PROS1: variants seen among roughly 807,000 people sequenced by gnomAD.
PROS1 encodes the protein protein S.
PROS1 carries 29 observed loss-of-function variants against 75.9 expected under a neutral mutation model. The ratio of observed to expected loss-of-function variants is 0.38; its 90% CI spans 0.28 to 0.52. The LOEUF is 0.52. PROS1 is among the 20% of genes least tolerant of loss of function. The probability of loss-of-function intolerance (pLI) is 0.83; values close to 1 mark genes in which losing one functional copy is unlikely to be tolerated. For missense variants in PROS1, 680 were observed against 810.3 expected (o/e 0.84, Z 1.95); for synonymous variants, 245 against 280.6 (o/e 0.87, Z 1.27).
intron 8 of PROS1, among the ~76,000 whole-genome samples, chr3:93,898,138 A>G (rs1708530740): frequency 6.6e-6 from 1 of 152,040 alleles, no homozygotes; most frequent in South Asian, 2.1e-4. Flanking sequence ...AATGAGGGCT[A>G]TTAAACTCAG....
rs552212941 is a variant in PROS1 at position 93,899,941 on chromosome 3, G to A, written c.727+863C>T. On this transcript the variant is annotated intron_variant, in intron 7 of 14. Transcript: ENST00000394236. ...ATGGTTAAAAGAGTACATTAAAACT[G>A]TACTTGTAGCCCCTAAATCTATTTT... Among the ~76,000 whole-genome samples the A allele has an allele frequency of 3.3e-4, 50 of 152,216 alleles. No individual in the cohort carries two copies. The South Asian group carries it at 9.3e-3, about 28-fold the overall frequency.
intron 1 of PROS1, among the ~76,000 whole-genome samples, chr3:93,954,030 C>A (rs1709556406): frequency 6.6e-6 from 1 of 152,122 alleles, no homozygotes; most frequent in Non-Finnish European, 1.5e-5. Flanking sequence ...TGTGAAGGAG[C>A]TCTTCAAGGA....
At chr3:93,925,627 C>G (rs1709004878) in intron 2 of PROS1, among the ~76,000 whole-genome samples, 1 of 151,832 alleles carries the variant, frequency 6.6e-6, no homozygotes, top group Non-Finnish European at 1.5e-5. Context: ...TGCTCGAGCC[C>G]AGACTGGGCA....
At chr3:93,929,585 A>T (rs1310307632) in intron 1 of PROS1, among the ~76,000 whole-genome samples, 2 of 152,212 alleles carry the variant, frequency 1.3e-5, no homozygotes, top group Non-Finnish European at 2.9e-5. Context: ...GATCTCAAAG[A>T]TACAGTAAGT....
At chr3:93,883,078 T>C (rs1034949866) in intron 12 of PROS1, among the ~76,000 whole-genome samples, 3 of 152,076 alleles carry the variant, frequency 2.0e-5, no homozygotes, top group African/African-American at 7.2e-5. Flanking sequence ...CAGTGAAAAT[T>C]CCACACTCCT....
chr3:93,890,171 C>A (rs1708411798), intron 10 of PROS1, among the ~76,000 whole-genome samples: 1 of 152,102 alleles, frequency 6.6e-6, no homozygotes. Flanking sequence ...TACCCTCAGG[C>A]TTATTAGGGT....
chr3:93,891,318 A>G (rs781476219), intron 10 of PROS1, among the ~76,000 whole-genome samples: 2 of 152,158 alleles, frequency 1.3e-5, no homozygotes, highest in Non-Finnish European at 2.9e-5. Flanking sequence ...AACTAGCAGT[A>G]ATCCCTTCAG....
At chr3:93,970,232 T>G (rs1709856395) in intron 1 of PROS1, among the ~76,000 whole-genome samples, 1 of 152,194 alleles carries the variant, frequency 6.6e-6, no homozygotes, top group Admixed American at 6.5e-5. Flanking sequence ...GGTGGCAGTC[T>G]AGATAAGGCC....
At chr3:93,906,884 G>A (rs1387284502) in intron 4 of PROS1, among the ~76,000 whole-genome samples, 16 of 152,198 alleles carry the variant, frequency 1.1e-4, no homozygotes, top group South Asian at 6.2e-4. Context: ...TCAGGGCAGC[G>A]CTAACATGCC....
chr3:93,931,899 T>C (rs1398128864), intron 1 of PROS1, among the ~76,000 whole-genome samples: 4 of 152,244 alleles, frequency 2.6e-5, no homozygotes, highest in African/African-American at 9.6e-5. Context: ...TATGTGGTTG[T>C]GCAGTGGATA....
intron 1 of PROS1, among the ~76,000 whole-genome samples, chr3:93,937,443 C>T (rs1412863291): frequency 7.3e-5 from 11 of 150,390 alleles, no homozygotes; most frequent in African/African-American, 2.7e-4. Context: ...TCTCTGCTCA[C>T]TGCAAGCTCC....
chr3:93,935,988 T>C (rs1373530415), intron 1 of PROS1, among the ~76,000 whole-genome samples: 2 of 145,602 alleles, frequency 1.4e-5, no homozygotes, highest in Admixed American at 1.4e-4. Context: ...ACAGACAAAA[T>C]GAAAAAACTA....
chr3:93,935,778 G>A (rs1431135463), intron 1 of PROS1, among the ~76,000 whole-genome samples: 1 of 151,806 alleles, frequency 6.6e-6, no homozygotes, highest in African/African-American at 2.4e-5. Flanking sequence ...CAGCATCTCA[G>A]AACCCTCTGT....
intron 1 of PROS1, among the ~76,000 whole-genome samples, chr3:93,960,939 G>GA (rs1026568158): frequency 2.2e-4 from 29 of 131,070 alleles, no homozygotes; most frequent in South Asian, 7.1e-4. Context: ...AAGGGCAAAA[G>GA]AAAAAAAAAC....
chr3:93,938,574 A>G (rs1709226669), intron 1 of PROS1, among the ~76,000 whole-genome samples: 1 of 151,972 alleles, frequency 6.6e-6, no homozygotes, highest in African/African-American at 2.4e-5. Flanking sequence ...CATCTCACCA[A>G]TTTCAAATCG....
chr3:93,955,936 T>C (rs1228424859), intron 1 of PROS1, among the ~76,000 whole-genome samples: 1 of 152,174 alleles, frequency 6.6e-6, no homozygotes, highest in African/African-American at 2.4e-5. Flanking sequence ...GAACTGACCA[T>C]ATATTGAACA....
intron 10 of PROS1, 49 bp downstream of exon 10, chr3:93,892,884 T>C: frequency 6.4e-7 from 1 of 1,561,256 alleles, no homozygotes; most frequent in Non-Finnish European, 8.8e-7. Flanking sequence ...TATGATTTTA[T>C]ACAGACTGCA....
intron 7 of PROS1, 95 bp downstream of exon 7, chr3:93,900,709 C>T (rs1006904630): frequency 1.3e-6 from 2 of 1,518,890 alleles, no homozygotes; most frequent in Non-Finnish European, 1.8e-6. Context: ...GAAAATATGA[C>T]TGTTGATGTC....
At chr3:93,928,701 C>A in intron 1 of PROS1, 5 of 1,225,908 alleles carry the variant, frequency 4.1e-6, no homozygotes, top group Non-Finnish European at 4.3e-6. Flanking sequence ...AAAATACTTA[C>A]AGCATATAGA....
Sources: allele counts gnomAD v4.1 joint callset (sites outside exome capture counted in the v4.1 genomes callset), GRCh38; gene constraint gnomAD v4.1.1; transcripts MANE v1.5; gene names NCBI Gene and HGNC (gene_info 2026-07-23, HGNC 2026-07-21).